Variants in GOLGA7B observed in about 807,000 individuals in gnomAD.
GOLGA7B encodes golgin subfamily A member 7B.
Under a neutral mutation model 21.5 loss-of-function variants are expected in GOLGA7B, and 17 were observed. The ratio of observed to expected loss-of-function variants is 0.79; its 90% CI spans 0.54 to 1.19. GOLGA7B has a LOEUF of 1.19. Among genes scored for constraint, GOLGA7B ranks in the 50% most tolerant of loss-of-function variants. GOLGA7B has a pLI of 0.00. For missense variants in GOLGA7B, 169 were observed against 224.4 expected (o/e 0.75, Z 1.58); for synonymous variants, 87 against 84.0 (o/e 1.04, Z -0.19).
chr10:97,858,753 A>G (rs1020342741), intron 1 of GOLGA7B, among the ~76,000 whole-genome samples: 6 of 152,066 alleles, frequency 3.9e-5, no homozygotes, highest in African/African-American at 1.5e-4. Flanking sequence ...GGATGTGAAA[A>G]GCATCTGGGG....
intron 1 of GOLGA7B, among the ~76,000 whole-genome samples, chr10:97,854,582 AAC>A (rs1357041233): frequency 6.6e-6 from 1 of 152,114 alleles, no homozygotes; most frequent in African/African-American, 2.4e-5. Context: ...CTCCTCCACA[AAC>A]ACTCTCCAGG....
intron 2 of GOLGA7B, among the ~76,000 whole-genome samples, chr10:97,860,840 G>T (rs1319922251): frequency 6.6e-6 from 1 of 152,190 alleles, no homozygotes; most frequent in Non-Finnish European, 1.5e-5. Context: ...AGCTTGCAGG[G>T]CGTCAGCTTG....
intron 2 of GOLGA7B, 63 bp downstream of exon 2, chr10:97,859,646 A>G (rs1027303796): frequency 1.3e-6 from 2 of 1,564,964 alleles, no homozygotes; most frequent in East Asian, 4.5e-5. Context: ...TTCTTATTGG[A>G]ATGTATTTTA....
chr10:97,860,949 A>G lies in GOLGA7B; in HGVS notation c.138+1366A>G, dbSNP rs191352665. ...TCCTGGTGGGGGAGACTTGGGCATC[A>G]TAGGGTTTAAAGGCTGCTCAGATAA... On this transcript the variant is annotated intron_variant, in intron 2 of 4. Coordinates refer to ENST00000370602, the MANE Select transcript of GOLGA7B (RefSeq NM_001010917.3). 5.2e-4 allele frequency among the ~76,000 whole-genome samples: 79 copies of G among 152,278 alleles called. No individual in the cohort carries two copies. The East Asian group carries it at 0.014, about 26-fold the overall frequency.
chr10:97,861,152 T>C (rs2136516769), intron 2 of GOLGA7B, among the ~76,000 whole-genome samples: 2 of 152,326 alleles, frequency 1.3e-5, no homozygotes, highest in South Asian at 4.1e-4. Context: ...TATTCAGATA[T>C]GCATGAAATT....
chr10:97,861,228 G>A (rs2049969307), intron 2 of GOLGA7B, among the ~76,000 whole-genome samples: 1 of 152,192 alleles, frequency 6.6e-6, no homozygotes, highest in South Asian at 2.1e-4. Flanking sequence ...AGAAAGAAGT[G>A]ACTTATGGGA....
At chr10:97,852,188 G>A (rs1404313614) in intron 1 of GOLGA7B, among the ~76,000 whole-genome samples, 3 of 152,220 alleles carry the variant, frequency 2.0e-5, no homozygotes, top group Non-Finnish European at 4.4e-5. Context: ...TGAGTCTTCT[G>A]CCTCTTTGGC....
chr10:97,851,951 C>T (rs547665134), intron 1 of GOLGA7B, among the ~76,000 whole-genome samples: 25 of 152,344 alleles, frequency 1.6e-4, no homozygotes, highest in Non-Finnish European at 3.2e-4. Context: ...AAAGCACTAT[C>T]GCATAAGTGA....
intron 1 of GOLGA7B, among the ~76,000 whole-genome samples, chr10:97,853,520 C>A (rs2049916945): frequency 1.3e-5 from 2 of 152,164 alleles, no homozygotes; most frequent in South Asian, 4.1e-4. Flanking sequence ...TCTCATACTG[C>A]AGTTTGAAAA....
At position 97,868,507 on chromosome 10, in the gene GOLGA7B, C is replaced by T. The variant is rs780947463; in HGVS notation, c.*2807C>T. 1 of 152,274 alleles carries T rather than the reference C, an allele frequency of 6.6e-6. No individual in the cohort carries two copies. The highest frequency in any genetic ancestry group is 2.1e-4 in the South Asian group (1 of 4,822). The allele number at this position is 152,274 out of a possible 1,614,324, so 9.4% of individuals were successfully genotyped here. A position where few individuals can be genotyped will look rare whatever the true frequency, so the allele number is the denominator to read the frequency against. ...AGACTGTGGGGACAACGGCTCCAGC[C>T]TCTTAGGTGGGGGCTGGGCAGTCCC... On this transcript the variant is annotated 3_prime_UTR_variant, in exon 5 of 5. Coordinates refer to ENST00000370602, the MANE Select transcript of GOLGA7B (RefSeq NM_001010917.3).
At position 97,866,003 on chromosome 10, in the gene GOLGA7B, T is replaced by G. The variant is rs2050019042; in HGVS notation, c.*303T>G. On this transcript the variant is annotated 3_prime_UTR_variant, in exon 5 of 5. Coordinates refer to ENST00000370602, the MANE Select transcript of GOLGA7B (RefSeq NM_001010917.3). Reference sequence around the variant, plus strand: ...AGGCTGGGGTGGGGAGAACACAACCTAGGCGGCCCCTCTCTTCCACAGCCC... The same window carrying G: ...AGGCTGGGGTGGGGAGAACACAACCGAGGCGGCCCCTCTCTTCCACAGCCC... The G allele has an allele frequency of 2.5e-6, 1 of 393,320 alleles. No individual in the cohort carries two copies. Among genetic ancestry groups the G allele is most frequent in the Non-Finnish European group, 4.5e-6 (1 of 220,530 alleles). The allele number at this position is 393,320 out of a possible 1,614,324, so 24.4% of individuals were successfully genotyped here. A position where few individuals can be genotyped will look rare whatever the true frequency, so the allele number is the denominator to read the frequency against.
At position 97,864,055 on chromosome 10, in the gene GOLGA7B, C is replaced by T. The variant is rs752829532; in HGVS notation, c.264C>T (p.Phe88=). The change falls in exon 3 of 5, where the codon TTC becomes TTT. Residue 88 remains phenylalanine (F), a synonymous_variant. Coordinates refer to ENST00000370602, the MANE Select transcript of GOLGA7B (RefSeq NM_001010917.3). Reference sequence around the variant, plus strand: ...CCTGCGCCACGGCCTACTTCATCTTCCTCTGCATGGAGACCCACTATGAGA... The same window carrying T: ...CCTGCGCCACGGCCTACTTCATCTTTCTCTGCATGGAGACCCACTATGAGA... ...CLACATAYFI[F]LCMETHYEKV... is the part of the protein sequence containing the mutation. The T allele has an allele frequency of 3.1e-6, 5 of 1,614,144 alleles. No individual in the cohort carries two copies. The East Asian group carries it at 1.1e-4, about 36-fold the overall frequency.
chr10:97,856,502 T>C (rs2049936161), intron 1 of GOLGA7B, among the ~76,000 whole-genome samples: 1 of 152,222 alleles, frequency 6.6e-6, no homozygotes, highest in Non-Finnish European at 1.5e-5. Context: ...TACTCTGAAG[T>C]TGGTTCTATG....
chr10:97,856,710 A>G (rs1590159646), intron 1 of GOLGA7B, among the ~76,000 whole-genome samples: 2 of 152,354 alleles, frequency 1.3e-5, no homozygotes, highest in East Asian at 1.9e-4. Flanking sequence ...CCCACAGAGT[A>G]TAAGTGTTCC....
At chr10:97,853,009 G>C (rs2049913192) in intron 1 of GOLGA7B, among the ~76,000 whole-genome samples, 1 of 152,214 alleles carries the variant, frequency 6.6e-6, no homozygotes, top group Non-Finnish European at 1.5e-5. Context: ...GCTGGGAGGG[G>C]CTTCTCCAAG....
chr10:97,862,511 A>G (rs2049977282), intron 2 of GOLGA7B, among the ~76,000 whole-genome samples: 1 of 152,230 alleles, frequency 6.6e-6, no homozygotes, highest in Non-Finnish European at 1.5e-5. Flanking sequence ...AAATGTTAAG[A>G]AAATCATAAG....
At chr10:97,857,852 A>C (rs1182596200) in intron 1 of GOLGA7B, among the ~76,000 whole-genome samples, 1 of 152,230 alleles carries the variant, frequency 6.6e-6, no homozygotes, top group Non-Finnish European at 1.5e-5. Context: ...ATAAAGCAAC[A>C]TACCTATAAC....
At chr10:97,859,987 C>T (rs1381156676) in intron 2 of GOLGA7B, among the ~76,000 whole-genome samples, 1 of 152,182 alleles carries the variant, frequency 6.6e-6, no homozygotes, top group Non-Finnish European at 1.5e-5. Context: ...CTTGGCTGTA[C>T]ATTAGAGGTT....
chr10:97,861,369 G>T (rs141938855), intron 2 of GOLGA7B, among the ~76,000 whole-genome samples: 1 of 152,192 alleles, frequency 6.6e-6, no homozygotes, highest in African/African-American at 2.4e-5. Context: ...TCACAGTCTC[G>T]CAGGGAAAGC....
Sources: gnomAD v4.1 joint callset for allele counts (sites outside exome capture counted in the v4.1 genomes callset) on GRCh38, gnomAD v4.1.1 for gene constraint, MANE v1.5 for transcripts, NCBI Gene and HGNC (gene_info 2026-07-23, HGNC 2026-07-21) for gene names.